LRRK2: variants seen among roughly 807,000 people sequenced by gnomAD.
LRRK2 encodes leucine rich repeat kinase 2.
Under a neutral mutation model 302.6 loss-of-function variants are expected in LRRK2, and 203 were observed. That is an observed-to-expected ratio of 0.67 (90% CI 0.60 to 0.75). The LOEUF is 0.75. LRRK2 is among the 30% of genes least tolerant of loss of function. LRRK2 has a pLI of 0.00. For synonymous variants in LRRK2, 1,066 were observed against 1,031.9 expected (o/e 1.03, Z -0.63); for missense variants, 2,830 against 2,951.0 (o/e 0.96, Z 0.95).
At chr12:40,333,417 A>G (rs1945773770) in intron 39 of LRRK2, among the ~76,000 whole-genome samples, 1 of 152,176 alleles carries the variant, frequency 6.6e-6, no homozygotes, top group South Asian at 2.1e-4. Flanking sequence ...TAAAGCATGA[A>G]TCAATTTAAC....
intron 4 of LRRK2, among the ~76,000 whole-genome samples, chr12:40,237,099 G>C (rs1224711569): frequency 1.3e-5 from 2 of 151,988 alleles, no homozygotes; most frequent in Non-Finnish European, 2.9e-5. Flanking sequence ...GTTAGTCCAA[G>C]TACGAAGAGA....
chr12:40,311,502 A>G (rs1480684058), intron 31 of LRRK2, among the ~76,000 whole-genome samples: 1 of 152,200 alleles, frequency 6.6e-6, no homozygotes, highest in African/African-American at 2.4e-5. Context: ...CAATAGCACT[A>G]ATGATCAAGA....
chr12:40,305,220 G>A (rs1944775378), intron 27 of LRRK2, among the ~76,000 whole-genome samples: 1 of 152,104 alleles, frequency 6.6e-6, no homozygotes, highest in Admixed American at 6.6e-5. Flanking sequence ...GTGAGGTTCA[G>A]CAAAACTGTG....
At chr12:40,293,775 T>C in intron 21 of LRRK2, 112 bp downstream of exon 21, 2 of 716,536 alleles carry the variant, frequency 2.8e-6, no homozygotes, top group East Asian at 2.7e-5. Flanking sequence ...CCCTGATGTA[T>C]GAAAACTATA....
chr12:40,270,014 AG>A (rs1241433158), intron 14 of LRRK2, among the ~76,000 whole-genome samples: 1 of 152,268 alleles, frequency 6.6e-6, no homozygotes, highest in African/African-American at 2.4e-5. Context: ...ACCCTGGACA[AG>A]TACTTAATGT....
At chr12:40,261,124 T>C (rs1194072969) in intron 13 of LRRK2, among the ~76,000 whole-genome samples, 2 of 152,186 alleles carry the variant, frequency 1.3e-5, no homozygotes, top group African/African-American at 4.8e-5. Flanking sequence ...TCAGCTTAGT[T>C]TTGAGACGTA....
intron 25 of LRRK2, among the ~76,000 whole-genome samples, chr12:40,301,605 A>G (rs1486760048): frequency 6.6e-6 from 1 of 152,188 alleles, no homozygotes; most frequent in East Asian, 1.9e-4. Flanking sequence ...TCTCAGGAAG[A>G]CAGCTTCTAG....
At position 40,278,126 on chromosome 12, in the gene LRRK2, A is replaced by G. The variant is rs1565705551; in HGVS notation, c.2106A>G (p.Val702=). 1 of 1,614,094 alleles carries G rather than the reference A, an allele frequency of 6.2e-7. No homozygotes were observed. Among genetic ancestry groups the G allele is most frequent in the East Asian group, 2.2e-5 (1 of 44,852 alleles). Reference sequence around the variant, plus strand: ...TCTGTTGCAAGTGTTTTGCAAAAGTAGCTATGGATGATTACTTAAAAAATG... The same window carrying G: ...TCTGTTGCAAGTGTTTTGCAAAAGTGGCTATGGATGATTACTTAAAAAATG... The part of the protein sequence containing the change: ...LNLCCKCFAK[V]AMDDYLKNVM... The change falls in exon 18 of 51, where the codon GTA becomes GTG. Residue 702 remains valine (V), a synonymous_variant. Coordinates refer to ENST00000298910, the MANE Select transcript of LRRK2 (RefSeq NM_198578.4).
chr12:40,311,143 A>AT (rs1945023449), intron 31 of LRRK2, among the ~76,000 whole-genome samples: 1 of 151,638 alleles, frequency 6.6e-6, no homozygotes, highest in African/African-American at 2.4e-5. Flanking sequence ...TCCCATTCCA[A>AT]TTTTTTTCCC....
At chr12:40,239,506 A>G (rs1941629398) in intron 5 of LRRK2, among the ~76,000 whole-genome samples, 1 of 152,136 alleles carries the variant, frequency 6.6e-6, no homozygotes, top group African/African-American at 2.4e-5. Context: ...AGTCCATCTA[A>G]GACACTGGAG....
chr12:40,303,247 T>G (rs1944693075), intron 26 of LRRK2, among the ~76,000 whole-genome samples: 1 of 152,118 alleles, frequency 6.6e-6, no homozygotes, highest in Non-Finnish European at 1.5e-5. Flanking sequence ...AAGTTATGTT[T>G]GAGTGAAATT....
chr12:40,242,804 CA>C (rs35987733), intron 6 of LRRK2, among the ~76,000 whole-genome samples: 4 of 20,026 alleles, frequency 2.0e-4, no homozygotes, highest in African/African-American at 2.9e-4. Flanking sequence ...TTCTCCACAT[CA>C]AAAAAAAAAA....
At chr12:40,335,540 T>C (rs1057020902) in intron 40 of LRRK2, among the ~76,000 whole-genome samples, 1 of 152,134 alleles carries the variant, frequency 6.6e-6, no homozygotes, top group Non-Finnish European at 1.5e-5. Flanking sequence ...TGATTCATGT[T>C]GGATTCTTCG....
chr12:40,302,357 T>A (rs943869757), intron 25 of LRRK2, among the ~76,000 whole-genome samples: 1 of 152,112 alleles, frequency 6.6e-6, no homozygotes, highest in Non-Finnish European at 1.5e-5. Context: ...ACACTCTTTA[T>A]GAGCTAGTAC....
chr12:40,347,859 A>T (rs1946238162), intron 42 of LRRK2, among the ~76,000 whole-genome samples: 1 of 152,068 alleles, frequency 6.6e-6, no homozygotes, highest in Admixed American at 6.6e-5. Context: ...GCTACCAAGG[A>T]GGCTGAGGCA....
chr12:40,367,114 A>G, intron 50 of LRRK2, 37 bp downstream of exon 50: 1 of 1,359,642 alleles, frequency 7.4e-7, no homozygotes, highest in East Asian at 2.3e-5. Flanking sequence ...CAAACAGGGC[A>G]ATGATGTGAA....
At chr12:40,324,604 A>C (rs927982838) in intron 38 of LRRK2, among the ~76,000 whole-genome samples, 4 of 152,230 alleles carry the variant, frequency 2.6e-5, no homozygotes, top group Non-Finnish European at 4.4e-5. Flanking sequence ...AATAATGCCT[A>C]AGATCTGTCA....
intron 45 of LRRK2, among the ~76,000 whole-genome samples, chr12:40,355,546 T>TC (rs760911090): frequency 0.26 from 15,932 of 60,918 alleles, 1,321 homozygotes; most frequent in South Asian, 0.31. Context: ...CCTTCCTTCT[T>TC]CTTTTTTTTT....
chr12:40,309,957 C>T lies in LRRK2; in HGVS notation c.4318-474C>T, dbSNP rs146794971. Among the ~76,000 whole-genome samples, 284 of 152,270 alleles carry T rather than the reference C, an allele frequency of 1.9e-3. 2 individuals are homozygous for T. Among genetic ancestry groups the T allele is most frequent in the African/African-American group, 6.2e-3 (257 of 41,560 alleles). On this transcript the variant is annotated intron_variant, in intron 30 of 50. Transcript: ENST00000298910. ...CCAACGTGAGCAAATAGTACAGTGGCAGTCATATTTGCTTGAGTGGCTTTT... is the reference window on the plus strand; with the variant it reads ...CCAACGTGAGCAAATAGTACAGTGGTAGTCATATTTGCTTGAGTGGCTTTT...
Sources: allele counts gnomAD v4.1 joint callset (sites outside exome capture counted in the v4.1 genomes callset), GRCh38; gene constraint gnomAD v4.1.1; transcripts MANE v1.5; gene names NCBI Gene and HGNC (gene_info 2026-07-23, HGNC 2026-07-21).